Variants in ZNF746 observed in about 807,000 individuals in gnomAD.
ZNF746 encodes the protein zinc finger protein 746, also known as parkin-interacting substrate.
In ZNF746, 13 loss-of-function variants were observed where a neutral mutation model predicts 41.0. The ratio of observed to expected loss-of-function variants is 0.32; its 90% CI spans 0.21 to 0.50. The LOEUF (loss-of-function observed/expected upper bound fraction) is 0.50, where lower values mean the gene tolerates loss of function less well. Ranked by LOEUF, ZNF746 falls within the 20% of genes least tolerant of loss-of-function variation. ZNF746 has a pLI of 0.98. For missense variants in ZNF746, 811 were observed against 922.9 expected (o/e 0.88, Z 1.57); for synonymous variants, 424 against 396.2 (o/e 1.07, Z -0.83).
At chr7:149,491,950 A>G (rs1482630172) in intron 4 of ZNF746, 5 of 702,772 alleles carry the variant, frequency 7.1e-6, no homozygotes, top group Admixed American at 4.0e-5. Context: ...TGAGACGCTG[A>G]TATCTGGTAA....
chr7:149,474,836 C>CGCCGCCACTGCCGCT lies in ZNF746; in HGVS notation c.1516_1530dup (p.Ser506_Gly510dup). The CGCCGCCACTGCCGCT allele has an allele frequency of 2.8e-6, 4 of 1,410,820 alleles. No individual in the cohort carries two copies. The highest frequency in any genetic ancestry group is 5.8e-5 in the East Asian group (2 of 34,234). 87.4% of individuals were successfully genotyped at this position (1,410,820 alleles called of 1,614,324 possible). On this transcript the variant is annotated inframe_insertion, in exon 7 of 7. Coordinates refer to ENST00000458143, the MANE Select transcript of ZNF746 (RefSeq NM_001394198.1). The surrounding 1 kb of genome is among the most constrained non-coding windows in gnomAD (Gnocchi z 6.3). The stretch of plus-strand genomic sequence containing the variant: ...CTGCCCCCACCGCTGCCGCCACCGC[C>CGCCGCCACTGCCGCT]GCCGCCACTGCCGCTGCCGCCACCG...
In ZNF746 at chr7:149,497,017, C is replaced by T; in HGVS notation, c.24+496G>A. 2.0e-6 allele frequency: 2 copies of T among 985,418 alleles called. No individual in the cohort carries two copies. The highest frequency in any genetic ancestry group is 2.4e-6 in the Non-Finnish European group (2 of 829,936). 61.0% of individuals were successfully genotyped at this position (985,418 alleles called of 1,614,324 possible). ...AGGACAGACTAACGCCTCAACAGGG[C>T]TTGTGGAAGTGCGTGGCTCTATATT... On this transcript the variant is annotated intron_variant, in intron 1 of 6. Transcript: ENST00000458143. The surrounding 1 kb of genome is among the most constrained non-coding windows in gnomAD (Gnocchi z 4.2).
intron 4 of ZNF746, among the ~76,000 whole-genome samples, chr7:149,482,906 C>T (rs1032680948): frequency 3.9e-5 from 6 of 151,936 alleles, no homozygotes; most frequent in Admixed American, 3.3e-4. Flanking sequence ...ATCTAGCCAA[C>T]TAAAGGTTAT....
At position 149,497,423 on chromosome 7, in the gene ZNF746, C is replaced by A; in HGVS notation, c.24+90G>T. 9.7e-7 allele frequency: 1 copy of A among 1,033,324 alleles called. No homozygotes were observed. Among genetic ancestry groups the A allele is most frequent in the Non-Finnish European group, 1.2e-6 (1 of 859,590 alleles). The allele number at this position is 1,033,324 out of a possible 1,614,324, so 64.0% of individuals were successfully genotyped here. On this transcript the variant is annotated intron_variant, in intron 1 of 6. Transcript: ENST00000458143. This position sits in a 1 kb window ranked among gnomAD's most constrained non-coding sequence, Gnocchi z 4.2. ...GGTGGTCCGGCCCGGACCCCGGAAC[C>A]CCTCCCCAGGGCCTGCGGCGCCGTG...
intron 4 of ZNF746, chr7:149,490,356 C>T (rs1048297090): frequency 2.6e-4 from 39 of 152,338 alleles, no homozygotes; most frequent in African/African-American, 8.7e-4. Context: ...ATGAATGTCA[C>T]GTGACACCAG....
At chr7:149,492,823 T>C (rs759623091) in intron 4 of ZNF746, 36 bp downstream of exon 4, 16 of 1,459,292 alleles carry the variant, frequency 1.1e-5, no homozygotes, top group Non-Finnish European at 1.3e-5. Context: ...TCCTGCACAA[T>C]ACCTGATGCC....
Position 149,474,805 on chromosome 7 carries a change from C to T in ZNF746, c.1562G>A (p.Arg521Gln), listed in dbSNP as rs780532840. The stretch of plus-strand genomic sequence containing the variant: ...CCCACACCGAAGGGCGCTGCCATCC[C>T]GTGCGCTGCCCCCACCGCTGCCGCC... ...GGGGSGGGSARDGSALRCGEC... is the reference protein window; with the variant it reads ...GGGGSGGGSAQDGSALRCGEC... The change falls in exon 7 of 7, where the codon CGG becomes CAG. Residue 521 changes from arginine (R) to glutamine (Q), a missense_variant. Arg to Gln is a conservative substitution (Grantham distance 43, BLOSUM62 1). Around this residue, in one of 4 missense-constraint regions of ZNF746, gnomAD observed 495 missense variants for 481.6 expected, o/e 1.03. Transcript: ENST00000458143. This position sits in a 1 kb window ranked among gnomAD's most constrained non-coding sequence, Gnocchi z 6.3. The T allele has an allele frequency of 4.6e-5, 69 of 1,515,250 alleles. No individual in the cohort carries two copies. Among genetic ancestry groups the T allele is most frequent in the Non-Finnish European group, 6.0e-5 (68 of 1,135,150 alleles). The allele number at this position is 1,515,250 out of a possible 1,614,324, so 93.9% of individuals were successfully genotyped here.
chr7:149,475,021 C>A lies in ZNF746; in HGVS notation c.1346G>T (p.Gly449Val). 6.4e-7 allele frequency: 1 copy of A among 1,554,196 alleles called. No homozygotes were observed. The highest frequency in any genetic ancestry group is 8.7e-7 in the Non-Finnish European group (1 of 1,149,218). Residue 449 changes from glycine to valine, a missense_variant, in exon 7 of 7, where the codon GGC becomes GTC. Physicochemically the swap from Gly to Val is moderately radical, Grantham distance 109. Coordinates refer to ENST00000458143, the MANE Select transcript of ZNF746 (RefSeq NM_001394198.1). ...CTTCAGCCCTGGCTTGTGGCCAAAG[C>A]CTTTGGTCCGGCCAGGGTATTTACA... ...EPCKYPGRTK[G>V]FGHKPGLKKH...
Position 149,477,067 on chromosome 7 carries a change from G to A in ZNF746, c.758-20C>T. ...GGACACCTGCGGTAAGGGGAGAGCA[G>A]AGCCGGTGGGTTAGGGGACGGACGG... On this transcript the variant is annotated intron_variant, in intron 5 of 6. Coordinates refer to ENST00000458143, the MANE Select transcript of ZNF746 (RefSeq NM_001394198.1). 1 of 1,607,028 alleles carries A rather than the reference G, an allele frequency of 6.2e-7. No homozygotes were observed.
intron 6 of ZNF746, 128 bp downstream of exon 6, chr7:149,476,794 A>G: frequency 1.6e-6 from 2 of 1,257,150 alleles, no homozygotes; most frequent in Admixed American, 1.7e-5. Flanking sequence ...GGGTCATAAG[A>G]GTGCAGACAC....
chr7:149,475,710 T>C (rs1000698949), intron 6 of ZNF746, among the ~76,000 whole-genome samples: 1 of 152,134 alleles, frequency 6.6e-6, no homozygotes, highest in Non-Finnish European at 1.5e-5. Context: ...AGCCACCATA[T>C]CTGCTCCCCA....
chr7:149,480,138 G>A (rs1800443198), intron 4 of ZNF746, among the ~76,000 whole-genome samples: 1 of 152,006 alleles, frequency 6.6e-6, no homozygotes. Flanking sequence ...ATTCTCAGGA[G>A]GAAAGCATTT....
intron 4 of ZNF746, among the ~76,000 whole-genome samples, chr7:149,482,240 C>A (rs1234686152): frequency 6.6e-6 from 1 of 152,072 alleles, no homozygotes; most frequent in African/African-American, 2.4e-5. Flanking sequence ...CAGACTAAAA[C>A]CAAACAAATC....
At chr7:149,476,865 C>A in intron 6 of ZNF746, 57 bp downstream of exon 6, 1 of 1,611,160 alleles carries the variant, frequency 6.2e-7, no homozygotes, top group Non-Finnish European at 8.5e-7. Context: ...ATGCCTGGAC[C>A]GAGGTACTCC....
intron 4 of ZNF746, among the ~76,000 whole-genome samples, chr7:149,485,048 A>T (rs780243210): frequency 6.6e-6 from 1 of 151,978 alleles, no homozygotes; most frequent in African/African-American, 2.4e-5. Flanking sequence ...CTCTTGTGAT[A>T]GGAGAAAAAG....
In ZNF746 at chr7:149,474,227, G is replaced by A. The variant is rs1800198905; in HGVS notation, c.*157C>T. The A allele has an allele frequency of 1.2e-6, 1 of 815,928 alleles. No individual in the cohort carries two copies. Among genetic ancestry groups the A allele is most frequent in the Non-Finnish European group, 1.9e-6 (1 of 529,756 alleles). 50.5% of individuals were successfully genotyped at this position (815,928 alleles called of 1,614,324 possible). On this transcript the variant is annotated 3_prime_UTR_variant, in exon 7 of 7. Transcript: ENST00000458143. This position sits in a 1 kb window ranked among gnomAD's most constrained non-coding sequence, Gnocchi z 6.3. ...TGGTTTAGAGGTGGCAGCTGTCCTG[G>A]TGGATAGTTTCTCTTTCTCCAGTGA...
Position 149,474,358 on chromosome 7 carries a change from G to A in ZNF746, c.*26C>T. The A allele has an allele frequency of 1.9e-6, 3 of 1,586,406 alleles. No individual in the cohort carries two copies. The highest frequency in any genetic ancestry group is 2.6e-6 in the Non-Finnish European group (3 of 1,166,946). The stretch of plus-strand genomic sequence containing the variant: ...CACGGGGCTTTTTACACGTGCGGCC[G>A]GCAGGGGCTATGGGGCTGGAGGCGC... On this transcript the variant is annotated 3_prime_UTR_variant, in exon 7 of 7. Transcript: ENST00000458143. The surrounding 1 kb of genome is among the most constrained non-coding windows in gnomAD (Gnocchi z 6.3).
intron 4 of ZNF746, chr7:149,490,083 C>G (rs1055212238): frequency 3.9e-5 from 6 of 152,454 alleles, no homozygotes; most frequent in African/African-American, 1.5e-4. Context: ...CGAAGTGGGG[C>G]TTTGGCTGGA....
Position 149,474,620 on chromosome 7 carries a change from T to C in ZNF746, c.1747A>G (p.Thr583Ala). 1.9e-6 allele frequency: 3 copies of C among 1,613,234 alleles called. No individual in the cohort carries two copies. In the South Asian group the frequency reaches 3.3e-5, roughly 18 times the overall value. ...AAGCTTTTGCCGCAGACGGTGCAGGTGAAGGGCCGCACGCCCGTGTGCGTT... is the reference window on the plus strand; with the variant it reads ...AAGCTTTTGCCGCAGACGGTGCAGGCGAAGGGCCGCACGCCCGTGTGCGTT... Reference protein sequence around the residue: ...YRTHTGVRPFTCTVCGKSFIR... With the variant: ...YRTHTGVRPFACTVCGKSFIR... The change falls in exon 7 of 7, where the codon ACC (threonine) becomes GCC (alanine). Residue 583 changes from threonine (T) to alanine (A), a missense_variant. Physicochemically the swap from Thr to Ala is moderately conservative, Grantham distance 58. Around this residue, in one of 4 missense-constraint regions of ZNF746, gnomAD observed 70 missense variants for 127.6 expected, o/e 0.55. Coordinates refer to ENST00000458143, the MANE Select transcript of ZNF746 (RefSeq NM_001394198.1). The surrounding 1 kb of genome is among the most constrained non-coding windows in gnomAD (Gnocchi z 6.3).
Sources: gnomAD v4.1 joint callset for allele counts (sites outside exome capture counted in the v4.1 genomes callset) on GRCh38, gnomAD v4.1.1 for gene constraint, gnomAD v4.1.1 regional missense constraint, Gnocchi (gnomAD v3.1) non-coding constraint, MANE v1.5 for transcripts, NCBI Gene and HGNC (gene_info 2026-07-23, HGNC 2026-07-21) for gene names.